Variants in ANKDD1B observed in about 807,000 individuals in gnomAD.
ANKDD1B encodes the protein ankyrin repeat and death domain-containing protein 1B.
In ANKDD1B, 57 loss-of-function variants were observed where a neutral mutation model predicts 59.7. The ratio of observed to expected loss-of-function variants is 0.95; its 90% CI spans 0.77 to 1.19. The LOEUF (loss-of-function observed/expected upper bound fraction) is 1.19. Ranked by LOEUF, ANKDD1B falls within the 50% of genes most tolerant of loss-of-function variation. ANKDD1B has a pLI of 0.00. For synonymous variants in ANKDD1B, 216 were observed against 239.5 expected (o/e 0.90, Z 0.91); for missense variants, 602 against 641.9 (o/e 0.94, Z 0.67).
intron 7 of ANKDD1B, among the ~76,000 whole-genome samples, chr5:75,641,206 A>G (rs1774451640): frequency 6.6e-6 from 1 of 152,232 alleles, no homozygotes; most frequent in African/African-American, 2.4e-5. Flanking sequence ...GATCACAAAA[A>G]TAGAATTTGG....
chr5:75,671,131 C>A lies in ANKDD1B; in HGVS notation c.*91C>A. Reference sequence around the variant, plus strand: ...TTCTTCTAGCAGTAGCACTGATTTTCAACTATGATGATGGTGGTGACAGGG... The same window carrying A: ...TTCTTCTAGCAGTAGCACTGATTTTAAACTATGATGATGGTGGTGACAGGG... On this transcript the variant is annotated 3_prime_UTR_variant, in exon 14 of 14. Transcript: ENST00000601380. 1 of 497,716 alleles carries A rather than the reference C, an allele frequency of 2.0e-6. No homozygotes were observed. The highest frequency in any genetic ancestry group is 3.1e-6 in the Non-Finnish European group (1 of 318,198). 30.8% of individuals were successfully genotyped at this position (497,716 alleles called of 1,614,324 possible). A position where few individuals can be genotyped will look rare whatever the true frequency, so the allele number is the denominator to read the frequency against.
At chr5:75,626,091 A>G (rs1343966694) in intron 5 of ANKDD1B, 136 bp downstream of exon 5, 3 of 643,294 alleles carry the variant, frequency 4.7e-6, no homozygotes, top group African/African-American at 3.6e-5. Context: ...TCACCATGGC[A>G]GACCACAGAA....
intron 5 of ANKDD1B, among the ~76,000 whole-genome samples, chr5:75,629,796 C>A (rs144058210): frequency 6.6e-6 from 1 of 151,490 alleles, no homozygotes; most frequent in Admixed American, 6.6e-5. Flanking sequence ...CATTAGCTGG[C>A]GTATGGTGGT....
chr5:75,656,385 G>A (rs539801028), intron 9 of ANKDD1B, among the ~76,000 whole-genome samples: 3 of 152,226 alleles, frequency 2.0e-5, no homozygotes, highest in African/African-American at 4.8e-5. Flanking sequence ...CAGCATTTTT[G>A]ATAGAAAAAC....
In ANKDD1B at chr5:75,656,072, T is replaced by A; in HGVS notation, c.941T>A (p.Ile314Asn). ...PLHLVVINNHITVVNSLLSAQ... is the reference protein window; with the variant it reads ...PLHLVVINNHNTVVNSLLSAQ... ...CATTTAGTTGTTATCAACAACCACA[T>A]CACGGTTGTAAACAGTTTATTAAGT... The change falls in exon 9 of 14, where the codon ATC becomes AAC. Residue 314 changes from isoleucine to asparagine, a missense_variant. Transcript: ENST00000601380. 1 of 1,528,880 alleles carries A rather than the reference T, an allele frequency of 6.5e-7. No homozygotes were observed. Among genetic ancestry groups the A allele is most frequent in the Non-Finnish European group, 8.8e-7 (1 of 1,140,374 alleles). 94.7% of individuals were successfully genotyped at this position (1,528,880 alleles called of 1,614,324 possible).
At chr5:75,649,465 G>T (rs779889358) in intron 7 of ANKDD1B, among the ~76,000 whole-genome samples, 42 of 151,926 alleles carry the variant, frequency 2.8e-4, no homozygotes, top group Admixed American at 5.9e-4. Flanking sequence ...TGGTATCGTG[G>T]AACCAATAAT....
chr5:75,654,569 A>G (rs1349516220), intron 8 of ANKDD1B, among the ~76,000 whole-genome samples: 1 of 152,124 alleles, frequency 6.6e-6, no homozygotes, highest in East Asian at 1.9e-4. Flanking sequence ...AGCCTCAGCT[A>G]CTTGGGAGGC....
intron 8 of ANKDD1B, 33 bp downstream of exon 8, chr5:75,653,273 C>T: frequency 3.4e-6 from 5 of 1,481,150 alleles, no homozygotes; most frequent in Non-Finnish European, 4.6e-6. Flanking sequence ...GGCTTTGGTC[C>T]TGGCGCCGTG....
intron 5 of ANKDD1B, among the ~76,000 whole-genome samples, chr5:75,633,966 C>T (rs1379354331): frequency 6.6e-6 from 1 of 152,246 alleles, no homozygotes; most frequent in Non-Finnish European, 1.5e-5. Flanking sequence ...TCCCTTCACA[C>T]ATGCTTGCAT....
chr5:75,614,984 G>A (rs879445346), intron 1 of ANKDD1B, among the ~76,000 whole-genome samples: 6 of 152,170 alleles, frequency 3.9e-5, no homozygotes, highest in Non-Finnish European at 5.9e-5. Context: ...TGGTCTGAAT[G>A]TGCAAAATAA....
intron 7 of ANKDD1B, 49 bp from the exon 8 acceptor site, chr5:75,653,093 C>A (rs1030099298): frequency 3.1e-6 from 4 of 1,278,400 alleles, no homozygotes; most frequent in Admixed American, 4.0e-5. Context: ...AGAAAACATG[C>A]TGAATTATAA....
chr5:75,618,496 C>A (rs568085761), intron 2 of ANKDD1B, among the ~76,000 whole-genome samples: 15 of 152,270 alleles, frequency 9.9e-5, no homozygotes, highest in Admixed American at 2.6e-4. Context: ...TTGTATTATA[C>A]TTTCTAATGA....
At chr5:75,642,255 G>A (rs144771973) in intron 7 of ANKDD1B, among the ~76,000 whole-genome samples, 9 of 151,156 alleles carry the variant, frequency 6.0e-5, no homozygotes, top group African/African-American at 1.9e-4. Flanking sequence ...CAAGATGGCC[G>A]AATAGGAACA....
At chr5:75,611,889 TGAGAAGGTACCC>T (rs1406220821) in intron 1 of ANKDD1B, 62 bp downstream of exon 1, 1 of 1,206,868 alleles carries the variant, frequency 8.3e-7, no homozygotes, top group African/African-American at 1.6e-5. Flanking sequence ...CGAAGGGACT[TGAGAAGGTACCC>T]AGAGCAGCAC....
At chr5:75,622,413 T>G (rs918949479) in intron 3 of ANKDD1B, among the ~76,000 whole-genome samples, 8 of 152,038 alleles carry the variant, frequency 5.3e-5, no homozygotes, top group African/African-American at 1.7e-4. Context: ...GGGCCTACAG[T>G]CTATCTGGGG....
chr5:75,665,676 GT>G (rs1775286672), intron 11 of ANKDD1B, among the ~76,000 whole-genome samples: 1 of 152,190 alleles, frequency 6.6e-6, no homozygotes, highest in Non-Finnish European at 1.5e-5. Context: ...CTAGAGGAAG[GT>G]TTTGCCCTTC....
At position 75,666,688 on chromosome 5, in the gene ANKDD1B, C is replaced by T. The variant is rs986757276; in HGVS notation, c.1192-104C>T. 1.6e-4 allele frequency: 126 copies of T among 803,118 alleles called. No homozygotes were observed. In the Middle Eastern group the frequency reaches 1.6e-3, roughly 10 times the overall value. The allele number at this position is 803,118 out of a possible 1,614,324, so 49.7% of individuals were successfully genotyped here. ...ACAGGAGGCATTGAAAACATAGTCT[C>T]GGTTACCACCTTACTAGTTATGTTT... is the stretch of plus-strand genomic sequence containing the variant. On this transcript the variant is annotated intron_variant, in intron 11 of 13. Transcript: ENST00000601380.
chr5:75,640,183 A>G (rs1774427482), intron 7 of ANKDD1B, among the ~76,000 whole-genome samples: 1 of 152,108 alleles, frequency 6.6e-6, no homozygotes, highest in African/African-American at 2.4e-5. Flanking sequence ...AGCTGGGACT[A>G]TAGGCATCCA....
intron 3 of ANKDD1B, among the ~76,000 whole-genome samples, chr5:75,623,225 C>T (rs1180264560): frequency 6.6e-6 from 1 of 152,092 alleles, no homozygotes; most frequent in Non-Finnish European, 1.5e-5. Flanking sequence ...GCCACCATGC[C>T]TGGCTAATTT....
Sources: allele counts gnomAD v4.1 joint callset (sites outside exome capture counted in the v4.1 genomes callset), GRCh38; gene constraint gnomAD v4.1.1; transcripts MANE v1.5; gene names NCBI Gene and HGNC (gene_info 2026-07-23, HGNC 2026-07-21).